The following CSMD3 variants were observed in gnomAD, a reference collection of about 807,000 sequenced individuals.
The protein encoded by CSMD3 is CUB and Sushi multiple domains 3.
Under a neutral mutation model 435.2 loss-of-function variants are expected in CSMD3, and 177 were observed. The observed-to-expected ratio is 0.41, with a 90% CI of 0.36 to 0.46. The LOEUF is 0.46. Ranked by LOEUF, CSMD3 falls within the 20% of genes least tolerant of loss-of-function variation. CSMD3 has a pLI of 0.34. For synonymous variants in CSMD3, 1,656 were observed against 1,520.5 expected (o/e 1.09, Z -2.07); for missense variants, 4,265 against 4,504.6 (o/e 0.95, Z 1.52).
intron 6 of CSMD3, among the ~76,000 whole-genome samples, chr8:113,012,395 C>A (rs537708145): frequency 6.6e-6 from 1 of 151,974 alleles, no homozygotes; most frequent in East Asian, 1.9e-4. Context: ...TCATCTATGT[C>A]TAATATGGTT....
chr8:112,494,142 C>T (rs192236468), intron 30 of CSMD3, among the ~76,000 whole-genome samples: 1 of 152,178 alleles, frequency 6.6e-6, no homozygotes, highest in African/African-American at 2.4e-5. Context: ...AATGAGAAAT[C>T]TGTGCTTTAA....
At chr8:112,953,255 T>A (rs967437225) in intron 8 of CSMD3, among the ~76,000 whole-genome samples, 2 of 151,554 alleles carry the variant, frequency 1.3e-5, no homozygotes, top group Non-Finnish European at 3.0e-5. Context: ...TTTTATTTCA[T>A]GATGACCTGA....
At chr8:112,394,475 T>C (rs763629308) in intron 35 of CSMD3, among the ~76,000 whole-genome samples, 8 of 152,138 alleles carry the variant, frequency 5.3e-5, no homozygotes, top group Non-Finnish European at 1.2e-4. Context: ...CTCACCGTGG[T>C]CTTCAAGGAT....
At chr8:112,276,870 GC>G (rs1818102948) in intron 59 of CSMD3, among the ~76,000 whole-genome samples, 1 of 152,058 alleles carries the variant, frequency 6.6e-6, no homozygotes, top group Non-Finnish European at 1.5e-5. Context: ...CAAAGCCACA[GC>G]CTGAGCCATA....
intron 24 of CSMD3, among the ~76,000 whole-genome samples, chr8:112,559,191 T>C (rs1416916578): frequency 1.3e-5 from 2 of 151,896 alleles, no homozygotes; most frequent in African/African-American, 4.8e-5. Context: ...TTTATGTAAC[T>C]GTGAGGAAGG....
chr8:113,015,984 T>C (rs571057869), intron 6 of CSMD3, among the ~76,000 whole-genome samples: 40 of 151,994 alleles, frequency 2.6e-4, no homozygotes, highest in Middle Eastern at 6.8e-3. Flanking sequence ...TTAATGGAAC[T>C]TGAATGGAGG....
chr8:113,305,312 A>G (rs2093811040), intron 2 of CSMD3, among the ~76,000 whole-genome samples: 1 of 152,112 alleles, frequency 6.6e-6, no homozygotes, highest in Admixed American at 6.5e-5. Flanking sequence ...AATAATAAAT[A>G]AATTTTTAAA....
chr8:113,340,167 T>C (rs548121080), intron 1 of CSMD3, among the ~76,000 whole-genome samples: 240 of 152,180 alleles, frequency 1.6e-3, no homozygotes, highest in African/African-American at 5.7e-3. Context: ...GGTGTTTTTA[T>C]TGCAAGTTTT....
At chr8:113,269,319 C>T (rs1213814611) in intron 3 of CSMD3, among the ~76,000 whole-genome samples, 2 of 152,040 alleles carry the variant, frequency 1.3e-5, no homozygotes, top group African/African-American at 4.8e-5. Context: ...AGGATACAAA[C>T]AAATTGAAGA....
chr8:113,422,929 A>G (rs2094615858), intron 1 of CSMD3, among the ~76,000 whole-genome samples: 1 of 152,056 alleles, frequency 6.6e-6, no homozygotes, highest in Non-Finnish European at 1.5e-5. Context: ...TAGATCTCAA[A>G]TTTTTTAAAA....
intron 5 of CSMD3, among the ~76,000 whole-genome samples, chr8:113,069,894 C>CTGTAACTGCACAGACAAAA (rs1226236492): frequency 6.6e-6 from 1 of 152,084 alleles, no homozygotes; most frequent in African/African-American, 2.4e-5. Context: ...TAGCAACAGT[C>CTGTAACTGCACAGACAAAA]TAGGTGCCTG....
intron 11 of CSMD3, among the ~76,000 whole-genome samples, chr8:112,846,687 T>C (rs1283475171): frequency 1.3e-5 from 2 of 152,016 alleles, no homozygotes; most frequent in African/African-American, 4.8e-5. Flanking sequence ...CTCCCAGGTA[T>C]GAGTCACTGT....
intron 13 of CSMD3, among the ~76,000 whole-genome samples, chr8:112,795,385 C>T (rs1432878374): frequency 2.0e-5 from 3 of 152,034 alleles, no homozygotes; most frequent in African/African-American, 7.2e-5. Flanking sequence ...TCAATGGATA[C>T]AGAAAAATGT....
intron 5 of CSMD3, among the ~76,000 whole-genome samples, chr8:113,069,770 C>T (rs899241977): frequency 6.6e-6 from 1 of 152,074 alleles, no homozygotes; most frequent in African/African-American, 2.4e-5. Flanking sequence ...CAACAGAGTA[C>T]GGGTAGAAGA....
chr8:113,192,238 A>T (rs1305242219), intron 3 of CSMD3, among the ~76,000 whole-genome samples: 2 of 151,718 alleles, frequency 1.3e-5, no homozygotes, highest in East Asian at 3.9e-4. Flanking sequence ...AGCCATTCTG[A>T]ATTCTGGCAC....
chr8:112,414,837 T>C (rs908904388), intron 32 of CSMD3, among the ~76,000 whole-genome samples: 19 of 152,200 alleles, frequency 1.2e-4, no homozygotes, highest in African/African-American at 4.3e-4. Context: ...ATTCTTTCTC[T>C]GCTTTAGTAA....
intron 22 of CSMD3, among the ~76,000 whole-genome samples, chr8:112,593,719 T>C (rs964454932): frequency 7.2e-5 from 11 of 152,130 alleles, no homozygotes; most frequent in Non-Finnish European, 1.3e-4. Flanking sequence ...AAGAAGGTAG[T>C]ATCATGGAAT....
intron 7 of CSMD3, among the ~76,000 whole-genome samples, chr8:112,970,448 G>C (rs1190058347): frequency 6.9e-6 from 1 of 145,872 alleles, no homozygotes; most frequent in Non-Finnish European, 1.5e-5. Context: ...TTATAGCTAA[G>C]GCAGTAAATT....
chr8:112,791,412 G>C (rs1460558564), intron 13 of CSMD3, among the ~76,000 whole-genome samples: 1 of 150,938 alleles, frequency 6.6e-6, no homozygotes. Flanking sequence ...CTTCATCCAA[G>C]TGCCCAGAAA....
Sources: gnomAD v4.1 joint callset for allele counts (sites outside exome capture counted in the v4.1 genomes callset) on GRCh38, gnomAD v4.1.1 for gene constraint, MANE v1.5 for transcripts, NCBI Gene and HGNC (gene_info 2026-07-23, HGNC 2026-07-21) for gene names.